The following ASRGL1 variants were observed in gnomAD, a reference collection of about 807,000 sequenced individuals.
ASRGL1 encodes the protein asparaginase and isoaspartyl peptidase 1.
ASRGL1 carries 16 observed loss-of-function variants against 22.4 expected under a neutral mutation model. The observed-to-expected ratio is 0.71, with a 90% confidence interval of 0.48 to 1.08. The LOEUF is 1.08. ASRGL1 is among the 50% of genes least tolerant of loss of function. ASRGL1 has a pLI of 0.00. For missense variants in ASRGL1, 412 were observed against 410.1 expected, an observed-to-expected ratio of 1.00 and a Z score of -0.04; for synonymous variants, 165 against 159.3, an observed-to-expected ratio of 1.04 and a Z score of -0.27.
chr11:62,361,989 A>G (rs1946446021), intron 4 of ASRGL1, among the ~76,000 whole-genome samples: 1 of 152,204 alleles, frequency 6.6e-6, no homozygotes, highest in Non-Finnish European at 1.5e-5. Flanking sequence ...CACTAATTTC[A>G]AGGATTGTTG....
downstream of ASRGL1, among the ~76,000 whole-genome samples, chr11:62,394,104 T>C: frequency 7.1e-6 from 1 of 141,800 alleles, no homozygotes; most frequent in South Asian, 2.1e-4. Context: ...ATATAATATA[T>C]ATTATAATTT....
chr11:62,385,837 A>G (rs1046458455), intron 4 of ASRGL1, among the ~76,000 whole-genome samples: 4 of 151,264 alleles, frequency 2.6e-5, no homozygotes, highest in African/African-American at 9.7e-5. Flanking sequence ...GCACTCCAGC[A>G]TGGGCAACAA....
At chr11:62,372,700 CAG>C (rs1946806280) in intron 4 of ASRGL1, 3 of 1,320,876 alleles carry the variant, frequency 2.3e-6, no homozygotes, top group Non-Finnish European at 3.3e-6. Context: ...CTGGGCTACA[CAG>C]AGCAGAAGGA....
At chr11:62,346,538 G>A (rs1242251232) in intron 2 of ASRGL1, among the ~76,000 whole-genome samples, 4 of 152,146 alleles carry the variant, frequency 2.6e-5, no homozygotes, top group African/African-American at 4.8e-5. Flanking sequence ...ATTCTGTGAC[G>A]ATGTGCAGAT....
intron 2 of ASRGL1, among the ~76,000 whole-genome samples, chr11:62,344,573 G>T (rs1056846188): frequency 2.7e-5 from 4 of 150,118 alleles, no homozygotes; most frequent in Middle Eastern, 3.2e-3. Context: ...ACGATGCAAG[G>T]TATATATCAA....
chr11:62,344,230 C>G (rs1945953421), intron 2 of ASRGL1, among the ~76,000 whole-genome samples: 1 of 152,046 alleles, frequency 6.6e-6, no homozygotes, highest in Admixed American at 6.6e-5. Context: ...GTATCAAAGT[C>G]TTGCTGATTT....
chr11:62,348,109 G>T (rs1395898403), intron 2 of ASRGL1, among the ~76,000 whole-genome samples: 1 of 152,164 alleles, frequency 6.6e-6, no homozygotes, highest in African/African-American at 2.4e-5. Context: ...AAAGTATACA[G>T]GAGGATGTGC....
At chr11:62,350,451 C>G (rs1446685148) in intron 2 of ASRGL1, among the ~76,000 whole-genome samples, 1 of 152,082 alleles carries the variant, frequency 6.6e-6, no homozygotes, top group Non-Finnish European at 1.5e-5. Flanking sequence ...GGATAAATGC[C>G]CAGGAATGTG....
intron 4 of ASRGL1, chr11:62,371,162 C>A: frequency 8.5e-7 from 1 of 1,177,830 alleles, no homozygotes; most frequent in Non-Finnish European, 1.1e-6. Context: ...GCGGTGGCGG[C>A]CTGGGAGGAG....
At chr11:62,379,100 GTTGAAGTAATCA>G (rs1306449986) in intron 4 of ASRGL1, among the ~76,000 whole-genome samples, 2 of 152,120 alleles carry the variant, frequency 1.3e-5, no homozygotes, top group Non-Finnish European at 1.5e-5. Context: ...GTAATCATTG[GTTGAAGTAATCA>G]TTGAAGTAAT....
chr11:62,381,716 A>ACTCC (rs1947072482), intron 4 of ASRGL1: 1 of 151,738 alleles, frequency 6.6e-6, no homozygotes, highest in South Asian at 2.1e-4. Context: ...AGAGACTCTA[A>ACTCC]CTCCCCCCTT....
intron 6 of ASRGL1, 195 bp downstream of exon 6, chr11:62,391,827 C>T (rs1423176941): frequency 2.6e-6 from 2 of 762,624 alleles, no homozygotes; most frequent in East Asian, 5.4e-5. Flanking sequence ...GTACTGTTAT[C>T]TTCCACATCT....
At chr11:62,363,166 C>G (rs1946525659) in intron 4 of ASRGL1, among the ~76,000 whole-genome samples, 1 of 151,624 alleles carries the variant, frequency 6.6e-6, no homozygotes, top group Non-Finnish European at 1.5e-5. Flanking sequence ...ATCTCCTGAC[C>G]TGATGATCTG....
chr11:62,355,948 A>C (rs1485921087), intron 2 of ASRGL1, among the ~76,000 whole-genome samples: 1 of 152,246 alleles, frequency 6.6e-6, no homozygotes, highest in Non-Finnish European at 1.5e-5. Context: ...GTAAGGTCAC[A>C]GATCAACAGG....
intron 4 of ASRGL1, among the ~76,000 whole-genome samples, chr11:62,375,428 TTATATATATATATATATATATATA>T (rs71053051): frequency 0.11 from 7,826 of 69,074 alleles, 541 homozygotes; most frequent in Non-Finnish European, 0.15. Context: ...TTGTCTTACT[TTATATATATATATATATATATATA>T]TATATATATA....
intron 4 of ASRGL1, among the ~76,000 whole-genome samples, chr11:62,384,035 CGTGTGT>C (rs141968496): frequency 2.7e-5 from 4 of 150,188 alleles, no homozygotes; most frequent in Non-Finnish European, 5.9e-5. Context: ...CACGTGTGTG[CGTGTGT>C]GTGTGTGTGT....
chr11:62,394,066 A>G (rs1947398486), downstream of ASRGL1, among the ~76,000 whole-genome samples: 1 of 143,682 alleles, frequency 7.0e-6, no homozygotes, highest in Non-Finnish European at 1.5e-5. Context: ...AATATGGTAT[A>G]TTTATTATAT....
At chr11:62,389,291 C>T in intron 5 of ASRGL1, 40 bp downstream of exon 5, 1 of 1,546,944 alleles carries the variant, frequency 6.5e-7, no homozygotes, top group Non-Finnish European at 8.9e-7. Context: ...CCCCTCTTCT[C>T]CCGCCCTCAG....
downstream of ASRGL1, among the ~76,000 whole-genome samples, chr11:62,394,611 G>C (rs560801149): frequency 2.0e-5 from 3 of 152,100 alleles, no homozygotes; most frequent in South Asian, 6.2e-4. Context: ...GAAGGAGGGA[G>C]CTGGGGGATA....
Sources: gnomAD v4.1 joint callset for allele counts (sites outside exome capture counted in the v4.1 genomes callset) on GRCh38, gnomAD v4.1.1 for gene constraint, MANE v1.5 for transcripts, NCBI Gene and HGNC (gene_info 2026-07-23, HGNC 2026-07-21) for gene names.